ADCY3: variants seen among roughly 807,000 people sequenced by gnomAD.
The protein encoded by ADCY3 is adenylate cyclase type 3.
In ADCY3, 70 loss-of-function variants were observed where a neutral mutation model predicts 119.4. The observed-to-expected ratio is 0.59, with a 90% confidence interval of 0.48 to 0.72. ADCY3 has a LOEUF of 0.72. Ranked by LOEUF, ADCY3 falls within the 30% of genes least tolerant of loss-of-function variation. ADCY3 has a pLI of 0.00. For missense variants in ADCY3, 1,238 were observed against 1,541.6 expected (o/e 0.80, Z 3.30); for synonymous variants, 672 against 621.4 (o/e 1.08, Z -1.21).
At chr2:24,897,053 C>T (rs575591283) in intron 2 of ADCY3, among the ~76,000 whole-genome samples, 181 of 152,234 alleles carry the variant, frequency 1.2e-3, no homozygotes, top group Middle Eastern at 6.8e-3. Flanking sequence ...TGCTCACTCT[C>T]GACTGGAAGC....
intron 3 of ADCY3, among the ~76,000 whole-genome samples, chr2:24,870,458 C>T (rs1674855908): frequency 6.6e-6 from 1 of 152,140 alleles, no homozygotes; most frequent in Non-Finnish European, 1.5e-5. Flanking sequence ...ATTCATCCCA[C>T]TTGGAGAATT....
At chr2:24,829,621 ACTG>A (rs1558413592) in intron 13 of ADCY3, among the ~76,000 whole-genome samples, 3 of 146,748 alleles carry the variant, frequency 2.0e-5, no homozygotes, top group Non-Finnish European at 3.0e-5. Context: ...CGGGGTTTCA[ACTG>A]TGTTAGCCAG....
chr2:24,909,574 G>A (rs913898341), intron 2 of ADCY3, among the ~76,000 whole-genome samples: 9 of 152,272 alleles, frequency 5.9e-5, no homozygotes, highest in East Asian at 1.9e-4. Context: ...TCTGTACAAT[G>A]CAGTTTCTGA....
intron 8 of ADCY3, among the ~76,000 whole-genome samples, chr2:24,838,109 G>C (rs985324160): frequency 2.3e-5 from 3 of 133,166 alleles, no homozygotes; most frequent in Non-Finnish European, 4.6e-5. Flanking sequence ...CGTCACTCCT[G>C]TGGCTTCACT....
In ADCY3 at chr2:24,903,751, C is replaced by T. The variant is rs543372635; in HGVS notation, c.675+14562G>A. ...GGGGCACCATGGCAGGGCTCCAGCACGGCTCGCCAGCTGAACAGGGAGCGC... is the reference window on the plus strand; with the variant it reads ...GGGGCACCATGGCAGGGCTCCAGCATGGCTCGCCAGCTGAACAGGGAGCGC... On this transcript the variant is annotated intron_variant, in intron 2 of 21. Transcript: ENST00000679454. Among the ~76,000 whole-genome samples the T allele has an allele frequency of 5.3e-5, 8 of 152,268 alleles. No homozygotes were observed. In the South Asian group the frequency reaches 1.5e-3, roughly 28 times the overall value.
rs543881470 is a variant in ADCY3 at position 24,897,630 on chromosome 2, C to T, written c.675+20683G>A. Among the ~76,000 whole-genome samples the T allele has an allele frequency of 3.3e-5, 5 of 152,294 alleles. No homozygotes were observed. In the East Asian group the frequency reaches 9.6e-4, roughly 29 times the overall value. On this transcript the variant is annotated intron_variant, in intron 2 of 21. Transcript: ENST00000679454. Reference sequence around the variant, plus strand: ...TCACATGTGGCTGGCTGTTCTCTTCCTCCACCTTCTCATGGGTGATTTGAA... The same window carrying T: ...TCACATGTGGCTGGCTGTTCTCTTCTTCCACCTTCTCATGGGTGATTTGAA...
At chr2:24,826,178 G>A (rs1055863142) in intron 15 of ADCY3, 52 bp from the exon 16 acceptor site, 1 of 1,534,878 alleles carries the variant, frequency 6.5e-7, no homozygotes, top group Middle Eastern at 1.7e-4. Flanking sequence ...CCTCCTGGAG[G>A]GGGCCTGATT....
intron 19 of ADCY3, 126 bp downstream of exon 19, chr2:24,822,385 G>T: frequency 7.7e-7 from 1 of 1,297,402 alleles, no homozygotes; most frequent in South Asian, 1.4e-5. Flanking sequence ...TATTTACGTG[G>T]TGCTGGTGGT....
chr2:24,897,327 T>C (rs11683212), intron 2 of ADCY3, among the ~76,000 whole-genome samples: 70,347 of 150,942 alleles, frequency 0.47, 19,369 homozygotes, highest in African/African-American at 0.78. Context: ...TTCTGGGACT[T>C]CTTATAGAAT....
At chr2:24,837,840 A>G (rs1465889586) in intron 8 of ADCY3, among the ~76,000 whole-genome samples, 1 of 152,122 alleles carries the variant, frequency 6.6e-6, no homozygotes, top group Non-Finnish European at 1.5e-5. Context: ...GGATCCCACA[A>G]AAAGACCAGA....
chr2:24,865,559 G>C (rs904872022), intron 3 of ADCY3, among the ~76,000 whole-genome samples: 1 of 147,626 alleles, frequency 6.8e-6, no homozygotes, highest in Non-Finnish European at 1.5e-5. Flanking sequence ...CCTCTGAAAG[G>C]GTACATTAAA....
chr2:24,909,385 T>A (rs900856277), intron 2 of ADCY3, among the ~76,000 whole-genome samples: 2 of 152,120 alleles, frequency 1.3e-5, no homozygotes, highest in African/African-American at 4.8e-5. Context: ...CAACCTAAGC[T>A]GAGGAGAGAA....
intron 3 of ADCY3, among the ~76,000 whole-genome samples, chr2:24,867,700 A>G (rs556835284): frequency 2.0e-4 from 31 of 152,228 alleles, no homozygotes; most frequent in Non-Finnish European, 3.4e-4. Flanking sequence ...ATAAAAGGTA[A>G]TACTAAAGGG....
chr2:24,821,715 GT>G, intron 19 of ADCY3, 75 bp from the exon 20 acceptor site: 2 of 1,572,948 alleles, frequency 1.3e-6, no homozygotes, highest in Non-Finnish European at 1.7e-6. Flanking sequence ...TTCCCTGGCA[GT>G]GTTCTGGGGG....
chr2:24,861,971 A>G (rs1673717023), intron 3 of ADCY3, among the ~76,000 whole-genome samples: 1 of 152,274 alleles, frequency 6.6e-6, no homozygotes, highest in Admixed American at 6.5e-5. Flanking sequence ...TCCCATTTTC[A>G]GAAAATTAAA....
At chr2:24,891,410 T>C (rs964859498) in intron 2 of ADCY3, among the ~76,000 whole-genome samples, 3 of 152,176 alleles carry the variant, frequency 2.0e-5, no homozygotes, top group African/African-American at 7.2e-5. Flanking sequence ...TACCCACCTG[T>C]GAGTCACTTG....
In ADCY3 at chr2:24,835,032, A is replaced by T; in HGVS notation, c.1663-96T>A. ...AGGTGGAGGAGGAAAGGAACAAAAG[A>T]GGGCATACTCGGAGGACCAATCCCT... On this transcript the variant is annotated intron_variant, in intron 9 of 21. Transcript: ENST00000679454. The T allele has an allele frequency of 2.7e-6, 4 of 1,459,658 alleles. No homozygotes were observed. In the South Asian group the frequency reaches 5.0e-5, roughly 18 times the overall value. 90.4% of individuals were successfully genotyped at this position (1,459,658 alleles called of 1,614,324 possible).
chr2:24,840,579 G>A (rs1670883043), intron 6 of ADCY3: 1 of 466,822 alleles, frequency 2.1e-6, no homozygotes, highest in African/African-American at 2.0e-5. Flanking sequence ...GTAAAGAGCA[G>A]GCAACTTCCT....
chr2:24,830,580 A>G, intron 13 of ADCY3, 129 bp downstream of exon 13: 1 of 680,228 alleles, frequency 1.5e-6, no homozygotes, highest in Non-Finnish European at 2.6e-6. Flanking sequence ...GTGTTTGGGA[A>G]CCTAAGAGCC....
Sources: allele counts gnomAD v4.1 joint callset (sites outside exome capture counted in the v4.1 genomes callset), GRCh38; gene constraint gnomAD v4.1.1; transcripts MANE v1.5; gene names NCBI Gene and HGNC (gene_info 2026-07-23, HGNC 2026-07-21).